The following SMOC2 variants were observed in gnomAD, a reference collection of about 807,000 sequenced individuals.
The protein encoded by SMOC2 is SPARC related modular calcium binding 2.
In SMOC2, 39 loss-of-function variants were observed where a neutral mutation model predicts 61.4. The ratio of observed to expected loss-of-function variants is 0.64; its 90% CI spans 0.49 to 0.83. The LOEUF is 0.83. SMOC2 is among the 40% of genes least tolerant of loss of function. The pLI, the probability that SMOC2 is intolerant of heterozygous loss-of-function variation, is 0.00. For synonymous variants in SMOC2, 247 were observed against 239.9 expected, an observed-to-expected ratio of 1.03 and a Z score of -0.27; for missense variants, 556 against 592.9, an observed-to-expected ratio of 0.94 and a Z score of 0.65.
Position 168,653,141 on chromosome 6 carries a change from A to G in SMOC2, c.1198A>G (p.Asn400Asp). ...KKFVEYCDVN[N>D]DKSISVQELM... The stretch of plus-strand genomic sequence containing the variant: ...GTTTGTTGAATACTGTGACGTGAAT[A>G]ATGACAAATCCATCTCCGTACAAGA... The change falls in exon 11 of 13, where the codon AAT becomes GAT. Residue 400 changes from asparagine (N) to aspartate (D), a missense_variant. Physicochemically the swap from Asn to Asp is conservative, Grantham distance 23. Transcript: ENST00000356284. The G allele has an allele frequency of 6.2e-7, 1 of 1,614,236 alleles. No individual in the cohort carries two copies. The highest frequency in any genetic ancestry group is 8.5e-7 in the Non-Finnish European group (1 of 1,180,042).
At chr6:168,601,274 G>T (rs750837927) in intron 8 of SMOC2, among the ~76,000 whole-genome samples, 17 of 152,202 alleles carry the variant, frequency 1.1e-4, no homozygotes, top group Non-Finnish European at 2.2e-4. Context: ...GTGTGATGAC[G>T]CTGGAGCGTG....
chr6:168,451,724 A>T (rs1781472904), intron 1 of SMOC2, among the ~76,000 whole-genome samples: 1 of 151,992 alleles, frequency 6.6e-6, no homozygotes, highest in Non-Finnish European at 1.5e-5. Flanking sequence ...CACGTCCGTT[A>T]AGTTCTTTCT....
chr6:168,455,349 G>A (rs556750140), intron 1 of SMOC2, among the ~76,000 whole-genome samples: 8 of 152,302 alleles, frequency 5.3e-5, no homozygotes, highest in South Asian at 2.1e-4. Context: ...TGTCCCAGTC[G>A]TGGTTTTCTC....
intron 4 of SMOC2, among the ~76,000 whole-genome samples, chr6:168,532,886 A>G (rs949890828): frequency 5.9e-5 from 9 of 152,202 alleles, no homozygotes; most frequent in African/African-American, 2.2e-4. Context: ...CAGAGTGGAC[A>G]TCTTCCTGTT....
intron 4 of SMOC2, among the ~76,000 whole-genome samples, chr6:168,539,475 C>G (rs1260002572): frequency 6.6e-6 from 1 of 152,198 alleles, no homozygotes; most frequent in East Asian, 1.9e-4. Context: ...GGGAAGGGTC[C>G]TGAGATCAAA....
chr6:168,602,474 C>G (rs1436168704), intron 8 of SMOC2, among the ~76,000 whole-genome samples: 2 of 152,112 alleles, frequency 1.3e-5, no homozygotes, highest in East Asian at 3.9e-4. Context: ...CCCCACCCAC[C>G]TGCGGTGGTT....
chr6:168,612,524 GT>G (rs910018368), intron 9 of SMOC2, among the ~76,000 whole-genome samples: 22 of 150,622 alleles, frequency 1.5e-4, no homozygotes, highest in African/African-American at 5.1e-4. Context: ...CGGGGAGAGG[GT>G]GACCCCAGCC....
At chr6:168,585,436 G>A (rs1785025585) in intron 7 of SMOC2, among the ~76,000 whole-genome samples, 1 of 152,152 alleles carries the variant, frequency 6.6e-6, no homozygotes, top group Non-Finnish European at 1.5e-5. Flanking sequence ...AGATACCACA[G>A]CTTATTTCTG....
At position 168,453,498 on chromosome 6, in the gene SMOC2, G is replaced by A. The variant is rs551270369; in HGVS notation, c.84+12044G>A. Among the ~76,000 whole-genome samples, 11 of 151,504 alleles carry A rather than the reference G, an allele frequency of 7.3e-5. No homozygotes were observed. Among genetic ancestry groups the A allele is most frequent in the South Asian group, 6.3e-4 (3 of 4,746 alleles). On this transcript the variant is annotated intron_variant, in intron 1 of 12. Coordinates refer to ENST00000356284, the MANE Select transcript of SMOC2 (RefSeq NM_001166412.2). This position sits in a 1 kb window ranked among gnomAD's most constrained non-coding sequence, Gnocchi z 4.4. ...GTCTCTCAGTTTCTGCCATTCTCTC[G>A]CTCTCTTTTTTGTCTCTCTGTCTCT...
intron 12 of SMOC2, chr6:168,664,360 T>C (rs1787598802): frequency 1.9e-6 from 1 of 523,750 alleles, no homozygotes; most frequent in Admixed American, 3.2e-5. Context: ...AAGAAAAATT[T>C]CTGAGTTTCC....
intron 12 of SMOC2, among the ~76,000 whole-genome samples, chr6:168,665,569 T>G (rs75820852): frequency 0.021 from 3,215 of 152,354 alleles, 58 homozygotes; most frequent in Non-Finnish European, 0.035. Flanking sequence ...TTTCCTGATC[T>G]CTTCAGCTTC....
intron 7 of SMOC2, among the ~76,000 whole-genome samples, chr6:168,571,661 C>G (rs1190777239): frequency 6.6e-6 from 1 of 152,166 alleles, no homozygotes; most frequent in Non-Finnish European, 1.5e-5. Context: ...GAATACTTCT[C>G]TATGGATACA....
chr6:168,536,236 A>C (rs1436905572), intron 4 of SMOC2, among the ~76,000 whole-genome samples: 1 of 152,182 alleles, frequency 6.6e-6, no homozygotes, highest in East Asian at 1.9e-4. Flanking sequence ...TGACCATCTC[A>C]ACACGGGATC....
At chr6:168,624,890 GATAC>G (rs1003802752) in intron 9 of SMOC2, among the ~76,000 whole-genome samples, 1 of 150,790 alleles carries the variant, frequency 6.6e-6, no homozygotes, top group African/African-American at 2.4e-5. Context: ...CACAAACACA[GATAC>G]ATAAACACAC....
chr6:168,659,524 G>T (rs1787423293), intron 11 of SMOC2, among the ~76,000 whole-genome samples: 4 of 148,162 alleles, frequency 2.7e-5, no homozygotes, highest in Non-Finnish European at 6.0e-5. Flanking sequence ...GTTGTAGGTT[G>T]GGTGAGGATG....
rs891587177 is a variant in SMOC2 at position 168,506,985 on chromosome 6, G to A, written c.85-2930G>A. Among the ~76,000 whole-genome samples, 5 of 152,188 alleles carry A rather than the reference G, an allele frequency of 3.3e-5. No individual in the cohort carries two copies. The South Asian group carries it at 8.3e-4, about 25-fold the overall frequency. On this transcript the variant is annotated intron_variant, in intron 1 of 12. Transcript: ENST00000356284. Reference sequence around the variant, plus strand: ...TGTGAAATTTAATTGCTATTAAACAGGAGGAAGGGGAGAAACATGTCCATA... The same window carrying A: ...TGTGAAATTTAATTGCTATTAAACAAGAGGAAGGGGAGAAACATGTCCATA...
intron 2 of SMOC2, among the ~76,000 whole-genome samples, chr6:168,513,907 G>A (rs1173812133): frequency 6.6e-6 from 1 of 152,158 alleles, no homozygotes; most frequent in Non-Finnish European, 1.5e-5. Flanking sequence ...ATTTTCAATA[G>A]GATCCCAGAT....
chr6:168,638,870 G>A (rs553939194), intron 9 of SMOC2, among the ~76,000 whole-genome samples: 6 of 152,286 alleles, frequency 3.9e-5, no homozygotes, highest in East Asian at 1.9e-4. Context: ...CTGAGCTGAC[G>A]TAAGGAAGAA....
rs550744075 is a variant in SMOC2, at chr6:168,583,666, TC to T, written c.638-15147del. On this transcript the variant is annotated intron_variant, in intron 7 of 12. Transcript: ENST00000356284. ...CTCACACACAAGCAAATTTGGAGCC[TC>T]CCCCGCCTCTTGCTCCCCAACCTCC... Among the ~76,000 whole-genome samples the T allele has an allele frequency of 3.9e-3, 595 of 152,134 alleles. 6 individuals are homozygous for T. Among genetic ancestry groups the T allele is most frequent in the African/African-American group, 0.013 (560 of 41,508 alleles).
Sources: allele counts gnomAD v4.1 joint callset (sites outside exome capture counted in the v4.1 genomes callset), GRCh38; gene constraint gnomAD v4.1.1; non-coding constraint Gnocchi (gnomAD v3.1); transcripts MANE v1.5; gene names NCBI Gene and HGNC (gene_info 2026-07-23, HGNC 2026-07-21).